The following NBN variants were observed in gnomAD, a reference collection of about 807,000 sequenced individuals.
NBN encodes the protein nibrin.
A neutral mutation model predicts 90.8 loss-of-function variants in NBN; 88 were observed. That is an observed-to-expected ratio of 0.97 (90% CI 0.82 to 1.16). The LOEUF is 1.16. Among genes scored for constraint, NBN ranks in the 50% most tolerant of loss-of-function variants. The pLI is 0.00. For missense variants in NBN, 894 were observed against 869.6 expected (o/e 1.03, Z -0.35); for synonymous variants, 328 against 295.1 (o/e 1.11, Z -1.14).
intron 10 of NBN, 31 bp downstream of exon 10, chr8:89,955,250 TCA>T (rs779104736): frequency 6.2e-7 from 1 of 1,603,426 alleles, no homozygotes; most frequent in South Asian, 1.1e-5. Context: ...CATTTTTTTT[TCA>T]GAGACATGAG....
rs192236678 is a variant in NBN at position 89,953,280 on chromosome 8, G to T, written c.1809C>A (p.Phe603Leu). 210 of 1,612,950 alleles carry T rather than the reference G, an allele frequency of 1.3e-4. 2 individuals carry two copies. In the East Asian group the frequency reaches 4.0e-3, roughly 31 times the overall value. The change falls in exon 11 of 16, where the codon TTC (phenylalanine) becomes TTA (leucine). Residue 603 changes from phenylalanine (F) to leucine (L), a missense_variant. Physicochemically the swap from Phe to Leu is conservative, Grantham distance 22 (BLOSUM62 0). Coordinates refer to ENST00000265433, the MANE Select transcript of NBN (RefSeq NM_002485.5). ...PRMDIETNDTFSDEAVPESSK... is the reference protein window; with the variant it reads ...PRMDIETNDTLSDEAVPESSK... Reference sequence around the variant, plus strand: ...TACTTTCTGGTACTGCTTCATCACTGAAAGTGTCATTTGTTTCTATATCCA... The same window carrying T: ...TACTTTCTGGTACTGCTTCATCACTTAAAGTGTCATTTGTTTCTATATCCA...
chr8:89,955,615 A>C, intron 9 of NBN, 60 bp from the exon 10 acceptor site: 1 of 1,539,278 alleles, frequency 6.5e-7, no homozygotes. Flanking sequence ...TTTAATAGAG[A>C]AACAAAGATC....
chr8:89,981,608 T>C, intron 2 of NBN, 85 bp from the exon 3 acceptor site: 10 of 1,466,152 alleles, frequency 6.8e-6, no homozygotes, highest in Non-Finnish European at 9.4e-6. Flanking sequence ...GAAAAGACAA[T>C]AGGCAGGTGG....
chr8:89,980,679 T>C (rs921044862), intron 4 of NBN, 55 bp downstream of exon 4: 2 of 1,480,138 alleles, frequency 1.4e-6, no homozygotes, highest in Non-Finnish European at 1.9e-6. Context: ...GTATAGTGGG[T>C]AAGCTTAAAT....
At chr8:89,972,654 T>C (rs1811570140) in intron 5 of NBN, among the ~76,000 whole-genome samples, 1 of 152,182 alleles carries the variant, frequency 6.6e-6, no homozygotes, top group African/African-American at 2.4e-5. Flanking sequence ...TAATAAATAT[T>C]CCCCCATAAC....
chr8:89,967,100 T>C (rs1586080634), intron 7 of NBN, among the ~76,000 whole-genome samples: 1 of 152,222 alleles, frequency 6.6e-6, no homozygotes, highest in African/African-American at 2.4e-5. Flanking sequence ...GGCCGCTGTC[T>C]GTGTGGAATT....
chr8:89,961,303 T>C (rs916746511), intron 8 of NBN, among the ~76,000 whole-genome samples: 1 of 152,182 alleles, frequency 6.6e-6, no homozygotes, highest in East Asian at 1.9e-4. Flanking sequence ...ACGCAAAATA[T>C]TTATACCTAT....
intron 12 of NBN, 93 bp from the exon 13 acceptor site, chr8:89,946,388 T>G: frequency 9.2e-7 from 1 of 1,086,746 alleles, no homozygotes; most frequent in Non-Finnish European, 1.4e-6. Flanking sequence ...AAAGTTCAAA[T>G]ACCTGAAAAA....
intron 1 of NBN, 22 bp downstream of exon 1, chr8:89,984,503 G>A (rs1292193831): frequency 6.2e-6 from 10 of 1,608,966 alleles, no homozygotes; most frequent in Non-Finnish European, 6.8e-6. Flanking sequence ...AATAGGCCCC[G>A]AGGCTTCCCT....
chr8:89,939,764 G>A (rs143266575), intron 14 of NBN, among the ~76,000 whole-genome samples: 24 of 152,332 alleles, frequency 1.6e-4, no homozygotes, highest in Non-Finnish European at 2.9e-4. Flanking sequence ...GACTAATGGT[G>A]TAGAAGGTAA....
chr8:89,975,795 C>T (rs1811726796), intron 5 of NBN, among the ~76,000 whole-genome samples: 1 of 152,184 alleles, frequency 6.6e-6, no homozygotes, highest in African/African-American at 2.4e-5. Flanking sequence ...AATATATCTA[C>T]TAGTAGTGAA....
In NBN at chr8:89,970,438, T is replaced by C. The variant is rs1270883453; in HGVS notation, c.822A>G (p.Gly274=). ...GAATTAAGGTCTGTGAGTTTGTTAT[T>C]CCTGTATCAACAACACACGTTCCCG... ...LAPGTCVVDT[G]ITNSQTLIPD... The change falls in exon 7 of 16, where the codon GGA becomes GGG. Residue 274 remains glycine, a synonymous_variant. Transcript: ENST00000265433. The C allele has an allele frequency of 6.2e-7, 1 of 1,614,052 alleles. No homozygotes were observed.
At position 89,935,746 on chromosome 8, in the gene NBN, T is replaced by C; in HGVS notation, c.2235-134A>G. The stretch of plus-strand genomic sequence containing the variant: ...TGACAATTTTGTCCTTAGGATCAGA[T>C]ACTAAGCACTGACATTTTTATTTTC... On this transcript the variant is annotated intron_variant, in intron 15 of 15. Coordinates refer to ENST00000265433, the MANE Select transcript of NBN (RefSeq NM_002485.5). 3 of 1,032,246 alleles carry C rather than the reference T, an allele frequency of 2.9e-6. No individual in the cohort carries two copies. In the South Asian group the frequency reaches 4.3e-5, roughly 15 times the overall value. The allele number at this position is 1,032,246 out of a possible 1,614,324, so 63.9% of individuals were successfully genotyped here. A position where few individuals can be genotyped will look rare whatever the true frequency, so the allele number is the denominator to read the frequency against.
intron 14 of NBN, among the ~76,000 whole-genome samples, chr8:89,940,877 T>C (rs978308590): frequency 1.3e-5 from 2 of 152,222 alleles, no homozygotes; most frequent in African/African-American, 4.8e-5. Flanking sequence ...GATTTATATG[T>C]AGTATCTGAT....
rs1477618624 is a variant in NBN, at chr8:89,953,283, A to G, written c.1806T>C (p.Thr602=). The change falls in exon 11 of 16, where the codon ACT becomes ACC. Residue 602 remains threonine, a synonymous_variant. Transcript: ENST00000265433. The stretch of plus-strand genomic sequence containing the variant: ...TTTCTGGTACTGCTTCATCACTGAA[A>G]GTGTCATTTGTTTCTATATCCATCC... ...RPRMDIETND[T]FSDEAVPESS... is the part of the protein sequence containing the mutation. 6.2e-7 allele frequency: 1 copy of G among 1,613,226 alleles called. No homozygotes were observed. The highest frequency in any genetic ancestry group is 8.5e-7 in the Non-Finnish European group (1 of 1,179,678).
chr8:89,953,545 T>A lies in NBN; in HGVS notation c.1544A>T (p.Asp515Val), dbSNP rs1810550715. ...AAATAAGTTATTGTCTGAGTTTGTG[T>A]CCACAGGCTCATTCTCAGATAGATG... The part of the protein sequence containing the change: ...EQHLSENEPV[D>V]TNSDNNLFTD... The change falls in exon 11 of 16, where the codon GAC (aspartate) becomes GTC (valine). Residue 515 changes from aspartate to valine, a missense_variant. Coordinates refer to ENST00000265433, the MANE Select transcript of NBN (RefSeq NM_002485.5). 1 of 1,613,846 alleles carries A rather than the reference T, an allele frequency of 6.2e-7. No individual in the cohort carries two copies. Among genetic ancestry groups the A allele is most frequent in the African/African-American group, 1.3e-5 (1 of 75,038 alleles).
intron 13 of NBN, 48 bp from the exon 14 acceptor site, chr8:89,943,414 A>G (rs762586854): frequency 4.4e-5 from 69 of 1,563,314 alleles, no homozygotes; most frequent in Non-Finnish European, 5.6e-5. Context: ...ACAAACAAAA[A>G]TGACCATTTT....
Position 89,984,578 on chromosome 8 carries a change from G to C in NBN, c.-17C>G. On this transcript the variant is annotated 5_prime_UTR_variant, in exon 1 of 16. Coordinates refer to ENST00000265433, the MANE Select transcript of NBN (RefSeq NM_002485.5). ...TTTCCACATCGGTCCGGCTCCTCAGGGCTGGGGCCGACGTGCAACCGCGTA... is the reference window on the plus strand; with the variant it reads ...TTTCCACATCGGTCCGGCTCCTCAGCGCTGGGGCCGACGTGCAACCGCGTA... 6.2e-7 allele frequency: 1 copy of C among 1,612,578 alleles called. No individual in the cohort carries two copies. The highest frequency in any genetic ancestry group is 8.5e-7 in the Non-Finnish European group (1 of 1,179,632).
rs2129747292 is a variant in NBN, at chr8:89,958,859, A to G, written c.995-5T>C. On this transcript the variant is annotated splice_polypyrimidine_tract_variant and splice_region_variant and intron_variant, in intron 8 of 15. Transcript: ENST00000265433. ...CTGGAGTTGTTGTCTTTAATCCTGT[A>G]AATCACACAAGTAGAAAGAAAGAAT... is the stretch of plus-strand genomic sequence containing the variant. 1 of 1,613,556 alleles carries G rather than the reference A, an allele frequency of 6.2e-7. No individual in the cohort carries two copies. The highest frequency in any genetic ancestry group is 8.5e-7 in the Non-Finnish European group (1 of 1,179,532).
Sources: gnomAD v4.1 joint callset for allele counts (sites outside exome capture counted in the v4.1 genomes callset) on GRCh38, gnomAD v4.1.1 for gene constraint, MANE v1.5 for transcripts, NCBI Gene and HGNC (gene_info 2026-07-23, HGNC 2026-07-21) for gene names.